TP53I13: variants seen among roughly 807,000 people sequenced by gnomAD.
TP53I13 encodes the protein tumor protein p53 inducible protein 13, also known as tumor protein p53-inducible protein 13.
Under a neutral mutation model 39.1 loss-of-function variants are expected in TP53I13, and 27 were observed. The observed-to-expected ratio is 0.69, with a 90% CI of 0.51 to 0.95. The LOEUF (loss-of-function observed/expected upper bound fraction) is 0.95. Ranked by LOEUF, TP53I13 falls within the 40% of genes least tolerant of loss-of-function variation. TP53I13 has a pLI of 0.00. For missense variants in TP53I13, 544 were observed against 520.4 expected, an observed-to-expected ratio of 1.05 and a Z score of -0.44; for synonymous variants, 230 against 224.6, an observed-to-expected ratio of 1.02 and a Z score of -0.22.
upstream of TP53I13, chr17:29,566,637 G>A: frequency 1.2e-6 from 2 of 1,606,960 alleles, no homozygotes; most frequent in Non-Finnish European, 8.5e-7. Context: ...GGACGAAGTG[G>A]CAGAGGGTCT....
the TP53I13 span, among the ~76,000 whole-genome samples, chr17:29,579,504 G>A: frequency 6.6e-6 from 1 of 152,148 alleles, no homozygotes; most frequent in Non-Finnish European, 1.5e-5. Context: ...CTAGCACTTT[G>A]GGAGGCCAAG....
chr17:29,578,844 C>T, the TP53I13 span: 1 of 1,570,488 alleles, frequency 6.4e-7, no homozygotes, highest in Non-Finnish European at 8.8e-7. Flanking sequence ...CAGGCCCATG[C>T]CAGCAACCTC....
In TP53I13 at chr17:29,572,944, G is replaced by A; in HGVS notation, c.*20G>A. The A allele has an allele frequency of 7.1e-7, 1 of 1,416,216 alleles. No individual in the cohort carries two copies. The highest frequency in any genetic ancestry group is 1.5e-5 in the South Asian group (1 of 68,434). 87.7% of individuals were successfully genotyped at this position (1,416,216 alleles called of 1,614,324 possible). A position where few individuals can be genotyped will look rare whatever the true frequency, so the allele number is the denominator to read the frequency against. On this transcript the variant is annotated 3_prime_UTR_variant, in exon 7 of 7. Coordinates refer to ENST00000301057, the MANE Select transcript of TP53I13 (RefSeq NM_138349.4). The stretch of plus-strand genomic sequence containing the variant: ...GAGTGACGGCCTGGGACCTGCCACT[G>A]TGGCGTGCGGCTCCTCCCCGCGCCG...
downstream of TP53I13, chr17:29,577,620 C>T (rs919127270): frequency 6.8e-7 from 1 of 1,471,200 alleles, no homozygotes; most frequent in Admixed American, 1.7e-5. Context: ...TAGACCACCC[C>T]AGGCCCCCAA....
chr17:29,577,152 G>A (rs768612083), downstream of TP53I13: 2 of 1,613,774 alleles, frequency 1.2e-6, no homozygotes, highest in East Asian at 2.2e-5. Flanking sequence ...GGCTGCTCAG[G>A]CTCTTGCCCT....
chr17:29,575,831 T>A (rs780495303), downstream of TP53I13: 1 of 1,612,732 alleles, frequency 6.2e-7, no homozygotes, highest in Non-Finnish European at 8.5e-7. This position sits in a 1 kb window ranked among gnomAD's most constrained non-coding sequence, Gnocchi z 5.5. Context: ...GCTTCCCTCC[T>A]GGGAGCAGGA....
In TP53I13 at chr17:29,572,892, G is replaced by C. The variant is rs1308263659; in HGVS notation, c.1150G>C (p.Asp384His). ...GAGACCCCTCCTCCCGCCCACGCCG[G>C]ACAGCGGCCCGGAAGGCGAGAGCTC... ...RRRPLLPPTP[D>H]SGPEGESSE Residue 384 changes from aspartate (D) to histidine (H), a missense_variant, in exon 7 of 7, where the codon GAC (aspartate) becomes CAC (histidine). Coordinates refer to ENST00000301057, the MANE Select transcript of TP53I13 (RefSeq NM_138349.4). The C allele has an allele frequency of 6.6e-7, 1 of 1,513,482 alleles. No homozygotes were observed. The highest frequency in any genetic ancestry group is 2.6e-5 in the East Asian group (1 of 38,690). The allele number at this position is 1,513,482 out of a possible 1,614,324, so 93.8% of individuals were successfully genotyped here. A position where few individuals can be genotyped will look rare whatever the true frequency, so the allele number is the denominator to read the frequency against.
Position 29,572,804 on chromosome 17 carries a change from G to C in TP53I13, c.1070-8G>C. The C allele has an allele frequency of 3.9e-6, 6 of 1,532,480 alleles. No individual in the cohort carries two copies. Among genetic ancestry groups the C allele is most frequent in the Non-Finnish European group, 5.2e-6 (6 of 1,143,312 alleles). 94.9% of individuals were successfully genotyped at this position (1,532,480 alleles called of 1,614,324 possible). The stretch of plus-strand genomic sequence containing the variant: ...CCCGCCCTTGACTGCTCGGCGCCCG[G>C]CCCACAGCTGTGCTGAAGCGGAGGC... On this transcript the variant is annotated splice_polypyrimidine_tract_variant and splice_region_variant and intron_variant, in intron 6 of 6. Transcript: ENST00000301057.
chr17:29,576,755 G>A (rs2033219648), downstream of TP53I13: 12 of 1,589,274 alleles, frequency 7.6e-6, no homozygotes, highest in South Asian at 1.1e-4. Context: ...GAGGCTAGGA[G>A]CAGCCCACCT....
downstream of TP53I13, chr17:29,575,529 G>A: frequency 6.4e-7 from 1 of 1,563,192 alleles, no homozygotes; most frequent in Non-Finnish European, 8.7e-7. This position sits in a 1 kb window ranked among gnomAD's most constrained non-coding sequence, Gnocchi z 5.5. Flanking sequence ...ACACGTTCCA[G>A]CCTCGGAGCC....
At chr17:29,576,283 C>G (rs144464404), downstream of TP53I13, 661 of 1,612,178 alleles carry the variant, frequency 4.1e-4, no homozygotes, top group Non-Finnish European at 5.1e-4. Flanking sequence ...CAAAGGGCTT[C>G]AGGGCAGAGC....
chr17:29,577,550 C>T (rs2033255883), downstream of TP53I13: 1 of 851,264 alleles, frequency 1.2e-6, no homozygotes. Flanking sequence ...CTGGCAAATG[C>T]TGGAGAGCTG....
At chr17:29,575,586 C>T (rs1208138524), downstream of TP53I13, 1 of 1,593,670 alleles carries the variant, frequency 6.3e-7, no homozygotes, top group Non-Finnish European at 8.6e-7. The surrounding 1 kb of genome is among the most constrained non-coding windows in gnomAD (Gnocchi z 5.5). Context: ...ACCTCCCCGC[C>T]TCGGCATGTG....
intron 2 of TP53I13, 27 bp downstream of exon 2, chr17:29,569,113 A>G: frequency 3.8e-6 from 6 of 1,572,222 alleles, no homozygotes; most frequent in Non-Finnish European, 5.2e-6. Context: ...GCCCAGGGAG[A>G]GAGGGATGTG....
the TP53I13 span, among the ~76,000 whole-genome samples, chr17:29,580,596 G>A: frequency 2.0e-5 from 3 of 152,256 alleles, no homozygotes; most frequent in Non-Finnish European, 4.4e-5. Context: ...CTCAGCGCAC[G>A]TGCCTAATTC....
At chr17:29,566,797 T>C, upstream of TP53I13, 4 of 1,512,320 alleles carry the variant, frequency 2.6e-6, no homozygotes, top group Non-Finnish European at 3.5e-6. Flanking sequence ...GCTGAACTGG[T>C]CCGCCGGGCC....
At chr17:29,582,049 G>A in the TP53I13 span, 2 of 1,611,046 alleles carry the variant, frequency 1.2e-6, no homozygotes, top group Non-Finnish European at 1.7e-6. Flanking sequence ...GAGGTGTGGT[G>A]CCCTTCTCTG....
rs1019700238 is a variant in TP53I13 at position 29,573,046 on chromosome 17, T to G, written c.*122T>G. 5 of 764,612 alleles carry G rather than the reference T, an allele frequency of 6.5e-6. No individual in the cohort carries two copies. The African/African-American group carries it at 9.3e-5, about 14-fold the overall frequency. The allele number at this position is 764,612 out of a possible 1,614,324, so 47.4% of individuals were successfully genotyped here. A position where few individuals can be genotyped will look rare whatever the true frequency, so the allele number is the denominator to read the frequency against. ...CGATGGCGCGGCACTGGCCGAGCAC[T>G]GCGGGGGCTTTCCTCCTTGTTGGTT... is the stretch of plus-strand genomic sequence containing the variant. On this transcript the variant is annotated 3_prime_UTR_variant, in exon 7 of 7. Transcript: ENST00000301057.
chr17:29,571,886 G>A lies in TP53I13; in HGVS notation c.342G>A (p.Ala114=), dbSNP rs540631621. 48 of 1,613,180 alleles carry A rather than the reference G, an allele frequency of 3.0e-5. 2 individuals carry two copies. The South Asian group carries it at 3.1e-4, about 10-fold the overall frequency. The change falls in exon 5 of 7, where the codon GCG becomes GCA. Residue 114 remains alanine, a synonymous_variant. Coordinates refer to ENST00000301057, the MANE Select transcript of TP53I13 (RefSeq NM_138349.4). Reference sequence around the variant, plus strand: ...TGGTGCTGACTGCATGGGGGCTGGCGCTGGAGATGGCCTGGGTAGAGCCAG... The same window carrying A: ...TGGTGCTGACTGCATGGGGGCTGGCACTGGAGATGGCCTGGGTAGAGCCAG... ...RPLVLTAWGL[A]LEMAWVEPAW...
Sources: allele counts gnomAD v4.1 joint callset (sites outside exome capture counted in the v4.1 genomes callset), GRCh38; gene constraint gnomAD v4.1.1; non-coding constraint Gnocchi (gnomAD v3.1); transcripts MANE v1.5; gene names NCBI Gene and HGNC (gene_info 2026-07-23, HGNC 2026-07-21).